The following ROBO1 variants were observed in gnomAD, a reference collection of about 807,000 sequenced individuals.
The protein encoded by ROBO1 is roundabout homolog 1.
A neutral mutation model predicts 195.9 loss-of-function variants in ROBO1; 149 were observed. The observed-to-expected ratio is 0.76, with a 90% CI of 0.67 to 0.87. The LOEUF (loss-of-function observed/expected upper bound fraction) is 0.87. ROBO1 is among the 40% of genes least tolerant of loss of function. ROBO1 has a pLI of 0.00. For synonymous variants in ROBO1, 816 were observed against 733.2 expected, an observed-to-expected ratio of 1.11 and a Z score of -1.82; for missense variants, 1,933 against 2,068.3, an observed-to-expected ratio of 0.93 and a Z score of 1.27.
intron 28 of ROBO1, among the ~76,000 whole-genome samples, 164 bp downstream of exon 28, chr3:78,614,484 T>C (rs2872006): frequency 0.36 from 55,125 of 152,046 alleles, 11,050 homozygotes; most frequent in Admixed American, 0.49. Context: ...GTAGAGATGC[T>C]TGACAAAATA....
chr3:78,732,228 A>G (rs568351915), intron 5 of ROBO1, among the ~76,000 whole-genome samples: 1 of 152,152 alleles, frequency 6.6e-6, no homozygotes, highest in African/African-American at 2.4e-5. Context: ...CTACAAATTC[A>G]CAATATTTTT....
intron 2 of ROBO1, among the ~76,000 whole-genome samples, chr3:79,250,286 G>A (rs374419026): frequency 2.0e-5 from 3 of 152,134 alleles, no homozygotes; most frequent in South Asian, 4.1e-4. Context: ...TTCATTTCTG[G>A]ATGTCCTAAT....
intron 4 of ROBO1, among the ~76,000 whole-genome samples, chr3:78,808,397 G>T (rs1202698614): frequency 1.3e-5 from 2 of 152,006 alleles, no homozygotes; most frequent in Admixed American, 6.6e-5. Context: ...TAGAGACAGG[G>T]TTTCACCATG....
At position 78,967,380 on chromosome 3, in the gene ROBO1, C is replaced by T. The variant is rs547074546; in HGVS notation, c.173-28453G>A. Among the ~76,000 whole-genome samples, 12 of 150,512 alleles carry T rather than the reference C, an allele frequency of 8.0e-5. No individual in the cohort carries two copies. The East Asian group carries it at 1.8e-3, about 22-fold the overall frequency. ...ATTGTTTTATCACTCCAAGCCAACC[C>T]CTATTCCTACAATTCCAAGCCAAGC... On this transcript the variant is annotated intron_variant, in intron 3 of 30. Transcript: ENST00000464233.
chr3:79,394,437 T>C (rs1311031444), intron 2 of ROBO1, among the ~76,000 whole-genome samples: 3 of 151,986 alleles, frequency 2.0e-5, no homozygotes, highest in Non-Finnish European at 4.4e-5. Context: ...GAATAATGTA[T>C]AGTAATTACT....
At chr3:78,646,257 T>G in intron 20 of ROBO1, 67 bp from the exon 21 acceptor site, 1 of 1,395,412 alleles carries the variant, frequency 7.2e-7, no homozygotes. Flanking sequence ...GCTATTACAT[T>G]CATGAGCTTC....
chr3:78,603,502 T>C (rs1437509441), intron 29 of ROBO1, among the ~76,000 whole-genome samples: 5 of 152,174 alleles, frequency 3.3e-5, no homozygotes, highest in Non-Finnish European at 7.3e-5. Flanking sequence ...GGTTTATGCT[T>C]ATACATAAAT....
intron 2 of ROBO1, among the ~76,000 whole-genome samples, chr3:79,514,152 C>T (rs979882643): frequency 5.9e-5 from 9 of 152,154 alleles, no homozygotes; most frequent in African/African-American, 2.2e-4. Context: ...TCTAGAGGAG[C>T]AGCAGGAATA....
chr3:78,949,065 C>T (rs1421312681), intron 3 of ROBO1, among the ~76,000 whole-genome samples: 6 of 143,718 alleles, frequency 4.2e-5, no homozygotes, highest in Non-Finnish European at 7.5e-5. Flanking sequence ...GAATCAATAT[C>T]GTGAAAATGG....
At chr3:78,911,975 A>C (rs2038271216) in intron 4 of ROBO1, among the ~76,000 whole-genome samples, 1 of 152,102 alleles carries the variant, frequency 6.6e-6, no homozygotes, top group South Asian at 2.1e-4. Context: ...AGAGAGAAGA[A>C]ATATTTTTTA....
intron 1 of ROBO1, among the ~76,000 whole-genome samples, chr3:79,674,826 CCG>C (rs946253222): frequency 8.5e-6 from 1 of 118,166 alleles, no homozygotes; most frequent in African/African-American, 3.4e-5. Context: ...CTATTTATAT[CCG>C]TGTGTGTGTG....
chr3:79,159,966 T>G (rs1487146123), intron 2 of ROBO1, among the ~76,000 whole-genome samples: 2 of 152,024 alleles, frequency 1.3e-5, no homozygotes, highest in Non-Finnish European at 2.9e-5. Context: ...ACGTAGCAAC[T>G]CTATATGTCT....
chr3:78,836,233 C>T (rs1470859381), intron 4 of ROBO1, among the ~76,000 whole-genome samples: 1 of 152,052 alleles, frequency 6.6e-6, no homozygotes, highest in Non-Finnish European at 1.5e-5. Flanking sequence ...TTTCTTCAGG[C>T]CGGGGGCAGT....
Position 78,756,787 on chromosome 3 carries a change from T to C in ROBO1, c.500-9887A>G, listed in dbSNP as rs185410631. On this transcript the variant is annotated intron_variant, in intron 4 of 30. Transcript: ENST00000464233. ...TTGGGCTATCCTGCAGAAGAGTTCATTCAGGTCTAGTGGTCCTGAAGAAAA... is the reference window on the plus strand; with the variant it reads ...TTGGGCTATCCTGCAGAAGAGTTCACTCAGGTCTAGTGGTCCTGAAGAAAA... Among the ~76,000 whole-genome samples the C allele has an allele frequency of 1.7e-3, 264 of 152,348 alleles. 2 individuals carry two copies. The highest frequency in any genetic ancestry group is 0.01 in the Middle Eastern group (3 of 294).
intron 1 of ROBO1, among the ~76,000 whole-genome samples, chr3:79,695,993 G>T (rs1487726722): frequency 6.6e-6 from 1 of 151,396 alleles, no homozygotes; most frequent in South Asian, 2.1e-4. Flanking sequence ...TTGGGGAGGG[G>T]GTTCTGTGTT....
chr3:79,624,925 C>G lies in ROBO1; in HGVS notation c.-50-34964G>C, dbSNP rs371076680. Among the ~76,000 whole-genome samples, 42 of 152,284 alleles carry G rather than the reference C, an allele frequency of 2.8e-4. No individual in the cohort carries two copies. The South Asian group carries it at 7.9e-3, about 29-fold the overall frequency. ...TTCTTAATGCCACATGGCACTTATT[C>G]TAAAATCGACCACATAATTGGAAGT... On this transcript the variant is annotated intron_variant, in intron 1 of 30. Coordinates refer to ENST00000464233, the MANE Select transcript of ROBO1 (RefSeq NM_002941.4).
intron 2 of ROBO1, among the ~76,000 whole-genome samples, chr3:79,338,151 C>A (rs2034754898): frequency 1.3e-5 from 2 of 152,058 alleles, no homozygotes; most frequent in Admixed American, 1.3e-4. Flanking sequence ...TAATTGCTTG[C>A]TGTTGTTTAT....
intron 2 of ROBO1, among the ~76,000 whole-genome samples, chr3:79,177,685 T>A (rs1180828019): frequency 6.6e-6 from 1 of 152,240 alleles, no homozygotes; most frequent in Non-Finnish European, 1.5e-5. Context: ...AAATTGAACA[T>A]GGCATAAGAG....
chr3:79,058,756 G>A (rs1169402368), intron 3 of ROBO1, among the ~76,000 whole-genome samples: 2 of 152,024 alleles, frequency 1.3e-5, no homozygotes, highest in South Asian at 4.1e-4. Flanking sequence ...GCTTGAGAAG[G>A]AATCTGGATT....
Sources: gnomAD v4.1 joint callset for allele counts (sites outside exome capture counted in the v4.1 genomes callset) on GRCh38, gnomAD v4.1.1 for gene constraint, MANE v1.5 for transcripts, NCBI Gene and HGNC (gene_info 2026-07-23, HGNC 2026-07-21) for gene names.